The following TNNI3 variants were observed in gnomAD, a reference collection of about 807,000 sequenced individuals.
TNNI3 encodes troponin I3, cardiac type.
Under a neutral mutation model 31.5 loss-of-function variants are expected in TNNI3, and 23 were observed. The observed-to-expected ratio is 0.73, with a 90% confidence interval of 0.52 to 1.03. The LOEUF (loss-of-function observed/expected upper bound fraction) is 1.03, where lower values mean the gene tolerates loss of function less well. Ranked by LOEUF, TNNI3 falls within the 50% of genes least tolerant of loss-of-function variation. TNNI3 has a pLI of 0.00. For synonymous variants in TNNI3, 120 were observed against 111.7 expected, an observed-to-expected ratio of 1.07 and a Z score of -0.47; for missense variants, 236 against 282.9, an observed-to-expected ratio of 0.83 and a Z score of 1.19.
At chr19:55,154,332 C>A in intron 6 of TNNI3, 126 bp from the exon 7 acceptor site, 1 of 991,884 alleles carries the variant, frequency 1.0e-6, no homozygotes, top group Non-Finnish European at 1.5e-6. Flanking sequence ...CAGTCTCTTC[C>A]CGGCTTAGGC....
chr19:55,152,727 G>C lies in TNNI3; in HGVS notation c.550-810C>G, dbSNP rs1159946688. Among the ~76,000 whole-genome samples, 4 of 152,210 alleles carry C rather than the reference G, an allele frequency of 2.6e-5. No homozygotes were observed. Among genetic ancestry groups the C allele is most frequent in the Non-Finnish European group, 4.4e-5 (3 of 68,044 alleles). ...TGCAGCCTCAACTTCCTGGGCTCAA[G>C]CCATCCTCTCACCTCAGACTCCTGA... On this transcript the variant is annotated intron_variant, in intron 7 of 7. Coordinates refer to ENST00000344887, the MANE Select transcript of TNNI3 (RefSeq NM_000363.5). This position sits in a 1 kb window ranked among gnomAD's most constrained non-coding sequence, Gnocchi z 4.0.
chr19:55,154,014 C>T lies in TNNI3; in HGVS notation c.549+16G>A, dbSNP rs786204403. 1 of 1,611,060 alleles carries T rather than the reference C, an allele frequency of 6.2e-7. No individual in the cohort carries two copies. On this transcript the variant is annotated intron_variant, in intron 7 of 7. Transcript: ENST00000344887. ...TCCCCTCAGCATCCTCTTTCCTGGC[C>T]TTAGCCCACACTCACCTTCTCGGTG...
rs1203808868 is a variant in TNNI3 at position 55,156,117 on chromosome 19, G to C, written c.282+84C>G. 6.2e-7 allele frequency: 1 copy of C among 1,603,974 alleles called. No homozygotes were observed. Among genetic ancestry groups the C allele is most frequent in the Admixed American group, 1.7e-5 (1 of 59,768 alleles). On this transcript the variant is annotated intron_variant, in intron 5 of 7. Transcript: ENST00000344887. This position sits in a 1 kb window ranked among gnomAD's most constrained non-coding sequence, Gnocchi z 4.6. ...TTGGGTAAGGACAGCCATATTGGAC[G>C]CCTGGGTCCCGAGCAGAAGAGGGGA...
chr19:55,156,475 C>G lies in TNNI3; in HGVS notation c.150+128G>C, dbSNP rs1224692163. On this transcript the variant is annotated intron_variant, in intron 4 of 7. Coordinates refer to ENST00000344887, the MANE Select transcript of TNNI3 (RefSeq NM_000363.5). This position sits in a 1 kb window ranked among gnomAD's most constrained non-coding sequence, Gnocchi z 4.6. ...CCGTCCCACCCCGAGCAGTACTCCC[C>G]GCTAAAGCCACGCCCCGAGCGGCCA... The G allele has an allele frequency of 2.0e-6, 3 of 1,505,528 alleles. No individual in the cohort carries two copies. The East Asian group carries it at 7.4e-5, about 37-fold the overall frequency. The allele number at this position is 1,505,528 out of a possible 1,614,324, so 93.3% of individuals were successfully genotyped here.
At position 55,156,380 on chromosome 19, in the gene TNNI3, A is replaced by G; in HGVS notation, c.151-48T>C. On this transcript the variant is annotated intron_variant, in intron 4 of 7. Coordinates refer to ENST00000344887, the MANE Select transcript of TNNI3 (RefSeq NM_000363.5). The surrounding 1 kb of genome is among the most constrained non-coding windows in gnomAD (Gnocchi z 4.6). ...CGCAGCCCACCCGGGGCTTCAGGAT[A>G]AAGACCAGGCGTGGGGAACCGCCTC... 2 of 1,588,218 alleles carry G rather than the reference A, an allele frequency of 1.3e-6. No homozygotes were observed. The highest frequency in any genetic ancestry group is 1.1e-5 in the South Asian group (1 of 88,586).
At position 55,157,101 on chromosome 19, in the gene TNNI3, G is replaced by C. The variant is rs778133452; in HGVS notation, c.57C>G (p.Ile19Met). 6.2e-7 allele frequency: 1 copy of C among 1,603,054 alleles called. No homozygotes were observed. Residue 19 changes from isoleucine (I) to methionine (M), a missense_variant, in exon 3 of 8, where the codon ATC becomes ATG. Transcript: ENST00000344887. The surrounding 1 kb of genome is among the most constrained non-coding windows in gnomAD (Gnocchi z 6.3). ...AREPRPAPAP[I>M]RRRSSNYRAY... ...CGCGGTAGTTGGAGGAGCGGCGTCT[G>C]ATTGGGGCTGGTGCAGGGCGAGGTT...
In TNNI3 at chr19:55,151,880, T is replaced by G; in HGVS notation, c.587A>C (p.Asp196Ala). The change falls in exon 8 of 8, where the codon GAT (aspartate) becomes GCT (alanine). Residue 196 changes from aspartate (D) to alanine (A), a missense_variant. Physicochemically the swap from Asp to Ala is moderately radical, Grantham distance 126. Around this residue, in one of 4 missense-constraint regions of TNNI3, gnomAD observed 28 missense variants for 36.2 expected, o/e 0.77. Coordinates refer to ENST00000344887, the MANE Select transcript of TNNI3 (RefSeq NM_000363.5). Reference sequence around the variant, plus strand: ...GCGGCCCTCCATTCCACTCAGTGCATCGATGTTCTTGCGCCAGTCTCCCAC... The same window carrying G: ...GCGGCCCTCCATTCCACTCAGTGCAGCGATGTTCTTGCGCCAGTCTCCCAC... Reference protein sequence around the residue: ...REVGDWRKNIDALSGMEGRKK... With the variant: ...REVGDWRKNIAALSGMEGRKK... The G allele has an allele frequency of 1.2e-6, 2 of 1,614,148 alleles. No homozygotes were observed. The highest frequency in any genetic ancestry group is 1.7e-6 in the Non-Finnish European group (2 of 1,180,000).
chr19:55,153,063 G>A (rs552184904), intron 7 of TNNI3, among the ~76,000 whole-genome samples: 52 of 152,196 alleles, frequency 3.4e-4, no homozygotes, highest in African/African-American at 1.2e-3. Context: ...CTCCCAAAGC[G>A]CTGGGATTAC....
intron 6 of TNNI3, 26 bp downstream of exon 6, chr19:55,154,715 G>T (rs370088299): frequency 1.2e-6 from 2 of 1,607,916 alleles, no homozygotes; most frequent in South Asian, 1.1e-5. Flanking sequence ...TACCCCGAAG[G>T]TACCCGAGCT....
chr19:55,153,316 G>GA (rs1291865123), intron 7 of TNNI3, among the ~76,000 whole-genome samples: 1 of 151,616 alleles, frequency 6.6e-6, no homozygotes, highest in African/African-American at 2.4e-5. Flanking sequence ...GTGTGTATAG[G>GA]AAAAAAAATT....
chr19:55,154,413 C>T, intron 6 of TNNI3: 1 of 646,746 alleles, frequency 1.5e-6, no homozygotes, highest in Non-Finnish European at 2.7e-6. Flanking sequence ...CTCTCAAAAC[C>T]ACTGGCATAA....
At position 55,157,016 on chromosome 19, in the gene TNNI3, G is replaced by A. The variant is rs773514617; in HGVS notation, c.108+34C>T. The A allele has an allele frequency of 6.1e-5, 95 of 1,557,164 alleles. No individual in the cohort carries two copies. Among genetic ancestry groups the A allele is most frequent in the Non-Finnish European group, 7.5e-5 (86 of 1,153,856 alleles). Reference sequence around the variant, plus strand: ...TCCCAGGGTCTTGGATCCCTCCGGCGCCTGTACTCTGCCCCCAGGAAGCCC... The same window carrying A: ...TCCCAGGGTCTTGGATCCCTCCGGCACCTGTACTCTGCCCCCAGGAAGCCC... On this transcript the variant is annotated intron_variant, in intron 3 of 7. Transcript: ENST00000344887. The surrounding 1 kb of genome is among the most constrained non-coding windows in gnomAD (Gnocchi z 6.3).
chr19:55,155,353 G>GA (rs1268364248), intron 5 of TNNI3, among the ~76,000 whole-genome samples: 1 of 66,256 alleles, frequency 1.5e-5, no homozygotes, highest in Non-Finnish European at 2.9e-5. Context: ...AGGAGGGGCT[G>GA]GGGCCTGGAC....
intron 6 of TNNI3, chr19:55,154,515 T>C: frequency 1.6e-6 from 1 of 632,814 alleles, no homozygotes; most frequent in Non-Finnish European, 2.8e-6. Flanking sequence ...CACTAACTTA[T>C]TTTCTGTTTC....
rs1268005978 is a variant in TNNI3, at chr19:55,154,012, G to A, written c.549+18C>T. The A allele has an allele frequency of 1.9e-6, 3 of 1,609,964 alleles. No individual in the cohort carries two copies. Among genetic ancestry groups the A allele is most frequent in the African/African-American group, 2.7e-5 (2 of 74,448 alleles). ...CTTCCCCTCAGCATCCTCTTTCCTGGCCTTAGCCCACACTCACCTTCTCGG... is the reference window on the plus strand; with the variant it reads ...CTTCCCCTCAGCATCCTCTTTCCTGACCTTAGCCCACACTCACCTTCTCGG... On this transcript the variant is annotated intron_variant, in intron 7 of 7. Coordinates refer to ENST00000344887, the MANE Select transcript of TNNI3 (RefSeq NM_000363.5).
chr19:55,151,863 C>G lies in TNNI3; in HGVS notation c.604G>C (p.Glu202Gln), dbSNP rs1470970097. The G allele has an allele frequency of 1.2e-6, 2 of 1,614,178 alleles. No individual in the cohort carries two copies. Among genetic ancestry groups the G allele is most frequent in the Admixed American group, 3.3e-5 (2 of 60,034 alleles). The change falls in exon 8 of 8, where the codon GAG (glutamate) becomes CAG (glutamine). Residue 202 changes from glutamate (E) to glutamine (Q), a missense_variant. By Grantham distance (29) the Glu-to-Gln change is conservative (BLOSUM62 2). Coordinates refer to ENST00000344887, the MANE Select transcript of TNNI3 (RefSeq NM_000363.5). The part of the protein sequence containing the change: ...RKNIDALSGM[E>Q]GRKKKFES Reference sequence around the variant, plus strand: ...CTCTCAAACTTTTTCTTGCGGCCCTCCATTCCACTCAGTGCATCGATGTTC... The same window carrying G: ...CTCTCAAACTTTTTCTTGCGGCCCTGCATTCCACTCAGTGCATCGATGTTC...
rs1482453238 is a variant in TNNI3 at position 55,156,656 on chromosome 19, A to G, written c.109-12T>C. On this transcript the variant is annotated splice_polypyrimidine_tract_variant and intron_variant, in intron 3 of 7. Transcript: ENST00000344887. The surrounding 1 kb of genome is among the most constrained non-coding windows in gnomAD (Gnocchi z 4.6). The stretch of plus-strand genomic sequence containing the variant: ...ATCTTAGATTTTTTCTGCCAGGGTG[A>G]GATGGAGCAAGGAAGGATCATGGAG... The G allele has an allele frequency of 6.4e-7, 1 of 1,562,242 alleles. No individual in the cohort carries two copies. The highest frequency in any genetic ancestry group is 1.9e-5 in the Admixed American group (1 of 52,554).
At position 55,156,437 on chromosome 19, in the gene TNNI3, C is replaced by G. The variant is rs372284041; in HGVS notation, c.151-105G>C. The stretch of plus-strand genomic sequence containing the variant: ...TCTAAACCCTCCAGTTTGGTCTCCA[C>G]TGTTCCAAGGCCCCGTCCCACCCCG... On this transcript the variant is annotated intron_variant, in intron 4 of 7. Transcript: ENST00000344887. This position sits in a 1 kb window ranked among gnomAD's most constrained non-coding sequence, Gnocchi z 4.6. The G allele has an allele frequency of 6.6e-7, 1 of 1,518,730 alleles. No homozygotes were observed. The highest frequency in any genetic ancestry group is 8.9e-7 in the Non-Finnish European group (1 of 1,126,780). 94.1% of individuals were successfully genotyped at this position (1,518,730 alleles called of 1,614,324 possible).
In TNNI3 at chr19:55,152,016, T is replaced by C. The variant is rs1199244154; in HGVS notation, c.550-99A>G. The C allele has an allele frequency of 1.9e-6, 2 of 1,073,536 alleles. No homozygotes were observed. The highest frequency in any genetic ancestry group is 1.6e-5 in the African/African-American group (1 of 64,456). The allele number at this position is 1,073,536 out of a possible 1,614,324, so 66.5% of individuals were successfully genotyped here. ...TCCAGCCTGTGGGGCCACTCTACCCTGGATGCCTAAGTATCTAGTTCTGGA... is the reference window on the plus strand; with the variant it reads ...TCCAGCCTGTGGGGCCACTCTACCCCGGATGCCTAAGTATCTAGTTCTGGA... On this transcript the variant is annotated intron_variant, in intron 7 of 7. Coordinates refer to ENST00000344887, the MANE Select transcript of TNNI3 (RefSeq NM_000363.5). The surrounding 1 kb of genome is among the most constrained non-coding windows in gnomAD (Gnocchi z 4.0).
Sources: gnomAD v4.1 joint callset for allele counts (sites outside exome capture counted in the v4.1 genomes callset) on GRCh38, gnomAD v4.1.1 for gene constraint, gnomAD v4.1.1 regional missense constraint, Gnocchi (gnomAD v3.1) non-coding constraint, MANE v1.5 for transcripts, NCBI Gene and HGNC (gene_info 2026-07-23, HGNC 2026-07-21) for gene names.